NAALADL2: variants seen among roughly 807,000 people sequenced by gnomAD.
NAALADL2 encodes inactive N-acetylated-alpha-linked acidic dipeptidase-like protein 2.
In NAALADL2, 76 loss-of-function variants were observed where a neutral mutation model predicts 87.2. The observed-to-expected ratio is 0.87, with a 90% CI of 0.72 to 1.05. The LOEUF is 1.05. NAALADL2 is among the 50% of genes least tolerant of loss of function. The pLI, the probability that NAALADL2 is intolerant of heterozygous loss-of-function variation, is 0.00. For missense variants in NAALADL2, 1,089 were observed against 945.8 expected (o/e 1.15, Z -1.99); for synonymous variants, 354 against 331.0 (o/e 1.07, Z -0.75).
At chr3:175,042,239 AT>A (rs753341890) in intron 1 of NAALADL2, among the ~76,000 whole-genome samples, 5 of 152,170 alleles carry the variant, frequency 3.3e-5, no homozygotes, top group Non-Finnish European at 5.9e-5. Context: ...GTTATCACAA[AT>A]GGCAGAATTT....
intron 2 of NAALADL2, among the ~76,000 whole-genome samples, chr3:174,737,259 C>A (rs1456956358): frequency 2.0e-5 from 3 of 152,220 alleles, no homozygotes; most frequent in African/African-American, 7.2e-5. Flanking sequence ...CCTTGGCCTC[C>A]CAAAGTGCTT....
Position 174,537,981 on chromosome 3 carries a change from A to C in NAALADL2, c.-183-12588A>C, listed in dbSNP as rs150425643. Among the ~76,000 whole-genome samples the C allele has an allele frequency of 7.5e-4, 113 of 150,568 alleles. 1 individual carries two copies. Among genetic ancestry groups the C allele is most frequent in the African/African-American group, 2.7e-3 (109 of 40,650 alleles). On this transcript the variant is annotated intron_variant, in intron 1 of 3. Transcript: ENST00000434257. ...GCAAGAACCTGGTCTAATTTCCTTGATTCCCCAGGATCTATTGCAGTACTT... is the reference window on the plus strand; with the variant it reads ...GCAAGAACCTGGTCTAATTTCCTTGCTTCCCCAGGATCTATTGCAGTACTT...
intron 3 of NAALADL2, among the ~76,000 whole-genome samples, chr3:174,789,179 C>T (rs1175294492): frequency 6.6e-6 from 1 of 152,148 alleles, no homozygotes; most frequent in Non-Finnish European, 1.5e-5. Context: ...GGTACATGCA[C>T]AGAAACTCCA....
At chr3:175,404,155 T>C (rs979017214) in intron 5 of NAALADL2, among the ~76,000 whole-genome samples, 1 of 152,124 alleles carries the variant, frequency 6.6e-6, no homozygotes, top group Non-Finnish European at 1.5e-5. Context: ...ATCCACTTTC[T>C]GGCAATATCT....
At chr3:175,535,617 G>C in intron 9 of NAALADL2, among the ~76,000 whole-genome samples, 1 of 152,238 alleles carries the variant, frequency 6.6e-6, no homozygotes, top group Admixed American at 6.5e-5. Context: ...TGTTTTTGTG[G>C]GGGGCAATGG....
chr3:175,535,709 A>G (rs568777300), intron 9 of NAALADL2, among the ~76,000 whole-genome samples: 7 of 152,302 alleles, frequency 4.6e-5, no homozygotes, highest in African/African-American at 1.7e-4. Context: ...TTTATATACT[A>G]TAGGAACATA....
intron 5 of NAALADL2, among the ~76,000 whole-genome samples, chr3:175,440,169 T>C (rs1186381827): frequency 1.3e-5 from 2 of 152,170 alleles, no homozygotes; most frequent in African/African-American, 4.8e-5. Flanking sequence ...CGTTTTTGTT[T>C]TCTTTGTTGA....
intron 1 of NAALADL2, among the ~76,000 whole-genome samples, chr3:174,980,097 T>A (rs1048146049): frequency 1.3e-5 from 2 of 152,210 alleles, no homozygotes; most frequent in African/African-American, 4.8e-5. Flanking sequence ...TTTCTCCGTT[T>A]ACATGCTGCC....
At chr3:175,602,957 T>C (rs1303316473) in intron 10 of NAALADL2, among the ~76,000 whole-genome samples, 1 of 152,208 alleles carries the variant, frequency 6.6e-6, no homozygotes, top group African/African-American at 2.4e-5. Context: ...TCCTTCTCCC[T>C]ATATAACTTT....
At chr3:174,574,611 T>C (rs1407408321) in intron 2 of NAALADL2, among the ~76,000 whole-genome samples, 1 of 152,166 alleles carries the variant, frequency 6.6e-6, no homozygotes, top group African/African-American at 2.4e-5. Context: ...TCAAATATTA[T>C]GCATATCCAT....
chr3:174,987,777 C>G (rs537536981), intron 1 of NAALADL2, among the ~76,000 whole-genome samples: 25 of 135,064 alleles, frequency 1.9e-4, no homozygotes, highest in Non-Finnish European at 3.5e-4. Context: ...CAGGCATGCA[C>G]TACCATACCT....
intron 4 of NAALADL2, among the ~76,000 whole-genome samples, chr3:175,318,284 G>A (rs1033444708): frequency 6.6e-6 from 1 of 152,022 alleles, no homozygotes; most frequent in Non-Finnish European, 1.5e-5. Context: ...TTTAGTGTAC[G>A]TATGTATGTT....
intron 9 of NAALADL2, among the ~76,000 whole-genome samples, chr3:175,520,530 C>T (rs964335987): frequency 6.6e-6 from 1 of 151,674 alleles, no homozygotes; most frequent in Non-Finnish European, 1.5e-5. Flanking sequence ...GATCTCCTGA[C>T]CTCATGATCC....
chr3:174,760,437 A>G (rs1712772918), intron 3 of NAALADL2, among the ~76,000 whole-genome samples: 1 of 152,260 alleles, frequency 6.6e-6, no homozygotes, highest in Non-Finnish European at 1.5e-5. Flanking sequence ...GGAACCATTC[A>G]TTCATTTCAT....
intron 2 of NAALADL2, among the ~76,000 whole-genome samples, chr3:175,183,563 T>G (rs1211080572): frequency 6.6e-6 from 1 of 152,140 alleles, no homozygotes; most frequent in East Asian, 1.9e-4. Context: ...TGGATTTTGT[T>G]AAATTCTTTT....
intron 2 of NAALADL2, among the ~76,000 whole-genome samples, chr3:174,646,820 T>C (rs529140695): frequency 6.6e-6 from 1 of 152,038 alleles, no homozygotes; most frequent in Non-Finnish European, 1.5e-5. Flanking sequence ...TTCTTCATTT[T>C]AATAAAGTAA....
chr3:174,837,979 A>G (rs1402096580), intron 3 of NAALADL2, among the ~76,000 whole-genome samples: 16 of 150,372 alleles, frequency 1.1e-4, no homozygotes, highest in Admixed American at 8.6e-4. Flanking sequence ...TGAAGCCAGT[A>G]TCACCCTAAT....
intron 11 of NAALADL2, among the ~76,000 whole-genome samples, chr3:175,726,034 A>G (rs1742870510): frequency 6.6e-6 from 1 of 152,160 alleles, no homozygotes; most frequent in Non-Finnish European, 1.5e-5. Context: ...GAACACTAAG[A>G]AATATTAACA....
At chr3:174,589,999 T>C (rs1717183599) in intron 2 of NAALADL2, among the ~76,000 whole-genome samples, 1 of 152,126 alleles carries the variant, frequency 6.6e-6, no homozygotes, top group Non-Finnish European at 1.5e-5. Flanking sequence ...TTTAGGTCCA[T>C]GCTAGATTTT....
Sources: allele counts gnomAD v4.1 joint callset (sites outside exome capture counted in the v4.1 genomes callset), GRCh38; gene constraint gnomAD v4.1.1; transcripts MANE v1.5; gene names NCBI Gene and HGNC (gene_info 2026-07-23, HGNC 2026-07-21).